The following GPT2 variants were observed in gnomAD, a reference collection of about 807,000 sequenced individuals.
The protein encoded by GPT2 is alanine aminotransferase 2.
GPT2 carries 30 observed loss-of-function variants against 56.9 expected under a neutral mutation model. The observed-to-expected ratio is 0.53, with a 90% CI of 0.39 to 0.72. The LOEUF is 0.72. Ranked by LOEUF, GPT2 falls within the 30% of genes least tolerant of loss-of-function variation. The probability of loss-of-function intolerance (pLI) is 0.00; values close to 1 mark genes in which losing one functional copy is unlikely to be tolerated. For synonymous variants in GPT2, 271 were observed against 283.1 expected (o/e 0.96, Z 0.43); for missense variants, 542 against 703.4 (o/e 0.77, Z 2.60).
At chr16:46,918,005 G>C (rs1961204713) in intron 7 of GPT2, among the ~76,000 whole-genome samples, 1 of 152,160 alleles carries the variant, frequency 6.6e-6, no homozygotes, top group Admixed American at 6.5e-5. Context: ...CCCCAGAAAG[G>C]CTCAGTTTCT....
chr16:46,893,502 G>A (rs1055938546), intron 2 of GPT2, among the ~76,000 whole-genome samples: 4 of 152,312 alleles, frequency 2.6e-5, no homozygotes, highest in African/African-American at 7.2e-5. Flanking sequence ...GGAGGCTGAC[G>A]GTGTTCCCTT....
At chr16:46,900,022 G>A (rs1187558451) in intron 3 of GPT2, among the ~76,000 whole-genome samples, 1 of 152,242 alleles carries the variant, frequency 6.6e-6, no homozygotes, top group Non-Finnish European at 1.5e-5. Context: ...GCTCGCTGAA[G>A]TCACCCCACT....
intron 10 of GPT2, among the ~76,000 whole-genome samples, chr16:46,925,843 G>A (rs886884866): frequency 4.0e-5 from 6 of 151,646 alleles, no homozygotes; most frequent in African/African-American, 1.5e-4. Flanking sequence ...TAAAAAAAAA[G>A]AATCCCTGGG....
chr16:46,899,047 T>A (rs993805891), intron 3 of GPT2, among the ~76,000 whole-genome samples: 1 of 142,854 alleles, frequency 7.0e-6, no homozygotes, highest in African/African-American at 2.7e-5. Flanking sequence ...TTTTTTTTTT[T>A]TAGAGACAGA....
chr16:46,902,614 G>A (rs1392159956), intron 4 of GPT2, among the ~76,000 whole-genome samples: 1 of 152,044 alleles, frequency 6.6e-6, no homozygotes, highest in African/African-American at 2.4e-5. Flanking sequence ...AAGTCTTGAA[G>A]CTCATCCAGA....
chr16:46,914,371 A>G (rs1312698261), intron 6 of GPT2, among the ~76,000 whole-genome samples: 2 of 152,160 alleles, frequency 1.3e-5, no homozygotes, highest in Non-Finnish European at 2.9e-5. Context: ...CCTCTTCTCT[A>G]CAAAAAATAA....
intron 2 of GPT2, among the ~76,000 whole-genome samples, 194 bp from the exon 3 acceptor site, chr16:46,897,454 A>C (rs1370389022): frequency 6.6e-6 from 1 of 152,162 alleles, no homozygotes; most frequent in Non-Finnish European, 1.5e-5. Flanking sequence ...TGGGATTAAT[A>C]CTAGTTCTTC....
rs199834723 is a variant in GPT2 at position 46,909,856 on chromosome 16, G to A, written c.749G>A (p.Arg250Gln). ...GCGCTGAATGTGAATGAGCTCCGGC[G>A]GGCGGTGCAGGAGGCCAAAGACCAC... ...CWALNVNELRRAVQEAKDHCD... is the reference protein window; with the variant it reads ...CWALNVNELRQAVQEAKDHCD... Residue 250 changes from arginine to glutamine, a missense_variant, in exon 6 of 12, where the codon CGG (arginine) becomes CAG (glutamine). Coordinates refer to ENST00000340124, the MANE Select transcript of GPT2 (RefSeq NM_133443.4). The A allele has an allele frequency of 5.6e-5, 91 of 1,614,016 alleles. No homozygotes were observed. The highest frequency in any genetic ancestry group is 2.8e-4 in the Admixed American group (17 of 59,996).
intron 2 of GPT2, among the ~76,000 whole-genome samples, chr16:46,892,366 C>G (rs147732018): frequency 6.6e-6 from 1 of 152,248 alleles, no homozygotes; most frequent in Non-Finnish European, 1.5e-5. Flanking sequence ...CATATCTTGG[C>G]TCTTAGGAAT....
At chr16:46,910,075 A>G (rs1961016523) in intron 6 of GPT2, 148 bp downstream of exon 6, 3 of 1,093,834 alleles carry the variant, frequency 2.7e-6, no homozygotes, top group Non-Finnish European at 1.3e-6. Context: ...GAAATTTGCC[A>G]CAGGCCACCT....
intron 2 of GPT2, among the ~76,000 whole-genome samples, chr16:46,889,378 C>T (rs1960545736): frequency 6.6e-6 from 1 of 151,514 alleles, no homozygotes; most frequent in Non-Finnish European, 1.5e-5. Flanking sequence ...CTGCCTCAGC[C>T]TCTTCAGAAG....
intron 6 of GPT2, among the ~76,000 whole-genome samples, chr16:46,914,209 G>A (rs920553404): frequency 6.6e-6 from 1 of 152,128 alleles, no homozygotes; most frequent in African/African-American, 2.4e-5. Context: ...TCGTGTGAAC[G>A]GATGGATCAC....
intron 2 of GPT2, among the ~76,000 whole-genome samples, chr16:46,891,778 A>G (rs947149138): frequency 6.6e-6 from 1 of 151,486 alleles, no homozygotes; most frequent in African/African-American, 2.4e-5. Context: ...CAATCCAATT[A>G]TATATACTCT....
chr16:46,929,068 T>TC lies in GPT2; in HGVS notation c.*76dup, dbSNP rs1188845640. The TC allele has an allele frequency of 8.0e-7, 1 of 1,246,360 alleles. No individual in the cohort carries two copies. Among genetic ancestry groups the TC allele is most frequent in the African/African-American group, 1.5e-5 (1 of 67,690 alleles). The allele number at this position is 1,246,360 out of a possible 1,614,324, so 77.2% of individuals were successfully genotyped here. A position where few individuals can be genotyped will look rare whatever the true frequency, so the allele number is the denominator to read the frequency against. On this transcript the variant is annotated 3_prime_UTR_variant, in exon 12 of 12. Transcript: ENST00000340124. ...CAATGCCCGTCAGGCTGAACTCGCCTCCCCCGTGACTCTGCCTCGGGCCTC... is the reference window on the plus strand; with the variant it reads ...CAATGCCCGTCAGGCTGAACTCGCCTCCCCCCGTGACTCTGCCTCGGGCCTC...
At chr16:46,897,953 T>C (rs1596864781) in intron 3 of GPT2, among the ~76,000 whole-genome samples, 1 of 152,276 alleles carries the variant, frequency 6.6e-6, no homozygotes, top group Non-Finnish European at 1.5e-5. Context: ...CCAGGGAGAC[T>C]CTTCCACAAG....
At chr16:46,907,182 G>A (rs373423270) in intron 5 of GPT2, among the ~76,000 whole-genome samples, 14 of 152,274 alleles carry the variant, frequency 9.2e-5, no homozygotes, top group African/African-American at 2.9e-4. Flanking sequence ...ATTTCTGTCC[G>A]GAGTGCACAC....
chr16:46,925,933 C>T (rs936925174), intron 10 of GPT2, among the ~76,000 whole-genome samples: 1 of 151,632 alleles, frequency 6.6e-6, no homozygotes, highest in African/African-American at 2.4e-5. Context: ...AGTTCAAGAC[C>T]AGCTTGGCCA....
chr16:46,891,656 GTAT>G (rs1206522074), intron 2 of GPT2, among the ~76,000 whole-genome samples: 1 of 152,080 alleles, frequency 6.6e-6, no homozygotes, highest in Non-Finnish European at 1.5e-5. Flanking sequence ...GGCAGTAGAT[GTAT>G]TATTTATGAG....
chr16:46,887,674 C>T (rs778276541), intron 2 of GPT2, among the ~76,000 whole-genome samples: 35 of 152,050 alleles, frequency 2.3e-4, no homozygotes, highest in Non-Finnish European at 4.6e-4. Context: ...CAGGGTGACT[C>T]GTGACTCTTG....
Sources: allele counts gnomAD v4.1 joint callset (sites outside exome capture counted in the v4.1 genomes callset), GRCh38; gene constraint gnomAD v4.1.1; transcripts MANE v1.5; gene names NCBI Gene and HGNC (gene_info 2026-07-23, HGNC 2026-07-21).